Variants in DPP10 observed in about 807,000 individuals in gnomAD.
DPP10 encodes inactive dipeptidyl peptidase 10.
Under a neutral mutation model 120.9 loss-of-function variants are expected in DPP10, and 33 were observed. The ratio of observed to expected loss-of-function variants is 0.27; its 90% CI spans 0.21 to 0.37. The LOEUF (loss-of-function observed/expected upper bound fraction) is 0.37. Ranked by LOEUF, DPP10 falls within the 10% of genes least tolerant of loss-of-function variation. The pLI is 1.00. For missense variants in DPP10, 816 were observed against 942.8 expected (o/e 0.87, Z 1.76); for synonymous variants, 337 against 326.1 (o/e 1.03, Z -0.36).
chr2:114,951,705 T>C (rs1482108509), intron 1 of DPP10, among the ~76,000 whole-genome samples: 1 of 152,160 alleles, frequency 6.6e-6, no homozygotes, highest in Non-Finnish European at 1.5e-5. Context: ...GTCTTTCTTA[T>C]CTGAATGAAT....
chr2:115,529,177 G>C (rs1488081559), intron 5 of DPP10, among the ~76,000 whole-genome samples: 1 of 149,538 alleles, frequency 6.7e-6, no homozygotes, highest in African/African-American at 2.5e-5. Context: ...TTTTTTTTCC[G>C]GTGGGAGGGA....
chr2:115,255,961 G>T (rs1462234687), intron 1 of DPP10, among the ~76,000 whole-genome samples: 1 of 152,126 alleles, frequency 6.6e-6, no homozygotes, highest in Admixed American at 6.5e-5. Context: ...ACCTTTGCCT[G>T]TTACCCAGTT....
At chr2:115,229,326 G>T (rs2057611499) in intron 1 of DPP10, among the ~76,000 whole-genome samples, 1 of 152,124 alleles carries the variant, frequency 6.6e-6, no homozygotes, top group African/African-American at 2.4e-5. Flanking sequence ...TCTGTAGGTT[G>T]TCTCTTCACT....
In DPP10 at chr2:115,069,462, A is replaced by G. The variant is rs1199694251; in HGVS notation, c.61-239777A>G. ...TAGAGCCTTTAAAGTTTTTCCATAT[A>G]TACAGTCATGCCATCTGCAAAGAGA... is the stretch of plus-strand genomic sequence containing the variant. On this transcript the variant is annotated intron_variant, in intron 1 of 25. Coordinates refer to ENST00000410059, the MANE Select transcript of DPP10 (RefSeq NM_020868.6). Among the ~76,000 whole-genome samples, 7 of 152,180 alleles carry G rather than the reference A, an allele frequency of 4.6e-5. No homozygotes were observed. In the East Asian group the frequency reaches 1.2e-3, roughly 25 times the overall value.
intron 1 of DPP10, among the ~76,000 whole-genome samples, chr2:115,280,996 C>T (rs906406312): frequency 6.6e-6 from 1 of 152,126 alleles, no homozygotes; most frequent in Non-Finnish European, 1.5e-5. Context: ...GGAATCCAAT[C>T]CTCATAAACA....
chr2:115,546,306 C>T (rs868621701), intron 5 of DPP10, among the ~76,000 whole-genome samples: 9 of 152,080 alleles, frequency 5.9e-5, no homozygotes, highest in South Asian at 4.1e-4. Context: ...CCCAAAATTA[C>T]GTATGTATAC....
chr2:115,536,041 C>T (rs2078812018), intron 5 of DPP10, among the ~76,000 whole-genome samples: 1 of 151,914 alleles, frequency 6.6e-6, no homozygotes, highest in African/African-American at 2.4e-5. Context: ...TCTAGATATA[C>T]AACAACATAC....
At chr2:115,257,337 A>G (rs961625377) in intron 1 of DPP10, among the ~76,000 whole-genome samples, 1 of 151,400 alleles carries the variant, frequency 6.6e-6, no homozygotes, top group African/African-American at 2.4e-5. Context: ...ATTTATAAAG[A>G]AGAGAGGTGT....
chr2:114,994,977 A>G (rs1700986775), intron 1 of DPP10, among the ~76,000 whole-genome samples: 1 of 152,200 alleles, frequency 6.6e-6, no homozygotes, highest in Non-Finnish European at 1.5e-5. Context: ...GTATTCTACA[A>G]TGTTCCTTCA....
At chr2:115,148,602 TA>T (rs2051360392) in intron 1 of DPP10, among the ~76,000 whole-genome samples, 1 of 152,230 alleles carries the variant, frequency 6.6e-6, no homozygotes. Context: ...GGAATTGCTC[TA>T]AGTGTAGTCT....
intron 1 of DPP10, among the ~76,000 whole-genome samples, chr2:114,785,283 A>G (rs1168138081): frequency 6.6e-6 from 1 of 150,996 alleles, no homozygotes; most frequent in African/African-American, 2.4e-5. Flanking sequence ...TCCTTCTCAC[A>G]CTGCTGCCCG....
intron 5 of DPP10, among the ~76,000 whole-genome samples, chr2:115,596,932 G>A (rs949112004): frequency 1.3e-5 from 2 of 152,108 alleles, no homozygotes; most frequent in African/African-American, 4.8e-5. Flanking sequence ...GTTGTATTTT[G>A]GCTATTTTAC....
In DPP10 at chr2:115,836,712, A is replaced by G. The variant is rs1464469316; in HGVS notation, c.2148A>G (p.Glu716=). 3.1e-6 allele frequency: 5 copies of G among 1,613,232 alleles called. No homozygotes were observed. The African/African-American group carries it at 5.3e-5, about 17-fold the overall frequency. The part of the protein sequence containing the change: ...SVLHNVHGLK[E]ENILIIHGTA... Reference sequence around the variant, plus strand: ...TACATAATGTTCATGGCTTGAAAGAAGAAAATATATTAATAATTCATGGAA... The same window carrying G: ...TACATAATGTTCATGGCTTGAAAGAGGAAAATATATTAATAATTCATGGAA... The change falls in exon 24 of 26, where the codon GAA becomes GAG. Residue 716 remains glutamate (E), a synonymous_variant. Coordinates refer to ENST00000410059, the MANE Select transcript of DPP10 (RefSeq NM_020868.6).
chr2:115,340,933 A>G (rs1469892564), intron 2 of DPP10, among the ~76,000 whole-genome samples: 1 of 152,090 alleles, frequency 6.6e-6, no homozygotes, highest in Non-Finnish European at 1.5e-5. Context: ...TAATTCTCTA[A>G]AAATTGAAGG....
At chr2:115,213,137 G>T (rs1426254820) in intron 1 of DPP10, among the ~76,000 whole-genome samples, 1 of 152,134 alleles carries the variant, frequency 6.6e-6, no homozygotes, top group Non-Finnish European at 1.5e-5. Flanking sequence ...AGAATTATAG[G>T]AAAGTCTTCA....
intron 1 of DPP10, chr2:115,234,431 C>T (rs549224294): frequency 7.2e-5 from 11 of 153,666 alleles, no homozygotes; most frequent in Admixed American, 1.9e-4. Flanking sequence ...GACTAATAAA[C>T]GTGTTGGTTG....
At chr2:115,277,306 C>T (rs780644912) in intron 1 of DPP10, among the ~76,000 whole-genome samples, 6 of 152,058 alleles carry the variant, frequency 3.9e-5, no homozygotes, top group Non-Finnish European at 7.4e-5. Flanking sequence ...CAGTCAAGTG[C>T]AATGGCAATG....
intron 5 of DPP10, among the ~76,000 whole-genome samples, chr2:115,565,147 G>A (rs1340521399): frequency 6.6e-6 from 1 of 152,088 alleles, no homozygotes; most frequent in Non-Finnish European, 1.5e-5. Context: ...AAGTATGTGT[G>A]TATATATGTA....
At chr2:115,261,151 C>CA (rs1448805245) in intron 1 of DPP10, among the ~76,000 whole-genome samples, 1 of 152,100 alleles carries the variant, frequency 6.6e-6, no homozygotes. Context: ...ACAACAACAA[C>CA]AAAAAACGCA....
Sources: gnomAD v4.1 joint callset for allele counts (sites outside exome capture counted in the v4.1 genomes callset) on GRCh38, gnomAD v4.1.1 for gene constraint, MANE v1.5 for transcripts, NCBI Gene and HGNC (gene_info 2026-07-23, HGNC 2026-07-21) for gene names.